Variants in UBAP2L observed in about 807,000 individuals in gnomAD.
The protein encoded by UBAP2L is ubiquitin associated protein 2 like, also known as ubiquitin-associated protein 2-like.
UBAP2L carries 12 observed loss-of-function variants against 130.6 expected under a neutral mutation model. The observed-to-expected ratio is 0.09, with a 90% CI of 0.06 to 0.15. The LOEUF (loss-of-function observed/expected upper bound fraction) is 0.15, where lower values mean the gene tolerates loss of function less well. Among genes scored for constraint, UBAP2L ranks in the 10% least tolerant of loss-of-function variants. The probability of loss-of-function intolerance (pLI) is 1.00; values close to 1 mark genes in which losing one functional copy is unlikely to be tolerated. For synonymous variants in UBAP2L, 503 were observed against 524.7 expected, an observed-to-expected ratio of 0.96 and a Z score of 0.57; for missense variants, 965 against 1,332.5, an observed-to-expected ratio of 0.72 and a Z score of 4.29.
intron 1 of UBAP2L, among the ~76,000 whole-genome samples, chr1:154,224,495 CA>C (rs1667335698): frequency 1.3e-5 from 2 of 152,160 alleles, no homozygotes; most frequent in South Asian, 4.1e-4. Context: ...AAAACCCCCA[CA>C]AACACAAAAC....
intron 7 of UBAP2L, 92 bp downstream of exon 7, chr1:154,236,703 T>C: frequency 7.2e-7 from 1 of 1,393,952 alleles, no homozygotes; most frequent in Non-Finnish European, 1.0e-6. Flanking sequence ...ATTTCTAGAC[T>C]GGTCAGAAAG....
intron 6 of UBAP2L, 123 bp from the exon 7 acceptor site, chr1:154,236,443 C>T (rs569720534): frequency 1.4e-5 from 14 of 989,768 alleles, no homozygotes; most frequent in South Asian, 4.1e-5. Flanking sequence ...AACCAATCCG[C>T]CCGCCCTCAG....
At chr1:154,237,423 A>G (rs1257790110) in intron 8 of UBAP2L, among the ~76,000 whole-genome samples, 2 of 152,230 alleles carry the variant, frequency 1.3e-5, no homozygotes, top group Admixed American at 6.5e-5. Context: ...TAAATTTGCT[A>G]GTATTTGAAC....
intron 8 of UBAP2L, 128 bp downstream of exon 8, chr1:154,237,264 C>T: frequency 1.2e-6 from 1 of 809,938 alleles, no homozygotes; most frequent in Non-Finnish European, 2.0e-6. Flanking sequence ...AAAGGGCTGG[C>T]AGTTGTATTA....
intron 20 of UBAP2L, chr1:154,257,846 A>G (rs1426963323): frequency 2.1e-5 from 4 of 192,508 alleles, no homozygotes; most frequent in Non-Finnish European, 4.3e-5. Flanking sequence ...GTGTGCGTAC[A>G]ATGTGTATGT....
intron 4 of UBAP2L, among the ~76,000 whole-genome samples, chr1:154,234,231 C>T (rs570138469): frequency 2.6e-5 from 4 of 152,058 alleles, no homozygotes; most frequent in South Asian, 2.1e-4. Flanking sequence ...GGCATGGTGT[C>T]GCGTGCCTGT....
chr1:154,231,035 T>C (rs1311131589), intron 4 of UBAP2L, among the ~76,000 whole-genome samples: 1 of 152,212 alleles, frequency 6.6e-6, no homozygotes, highest in East Asian at 1.9e-4. Context: ...TCTAACTTAC[T>C]GTGAGCATAA....
At chr1:154,263,300 G>T in intron 24 of UBAP2L, 1 of 1,450,324 alleles carries the variant, frequency 6.9e-7, no homozygotes, top group Non-Finnish European at 9.0e-7. Flanking sequence ...GATACCTTCT[G>T]GGCTTTTGAA....
chr1:154,269,480 T>C, intron 26 of UBAP2L: 1 of 1,251,652 alleles, frequency 8.0e-7, no homozygotes, highest in South Asian at 1.2e-5. Flanking sequence ...CTTCACAGCC[T>C]CAGGGAACTT....
At chr1:154,269,517 G>A (rs1399746790) in intron 26 of UBAP2L, 1 of 974,522 alleles carries the variant, frequency 1.0e-6, no homozygotes. Flanking sequence ...CACAAATCGG[G>A]ATACACAAAC....
chr1:154,269,921 G>T (rs1449480310), intron 26 of UBAP2L, among the ~76,000 whole-genome samples: 1 of 152,182 alleles, frequency 6.6e-6, no homozygotes, highest in African/African-American at 2.4e-5. Flanking sequence ...GGGGTAGTGT[G>T]AGAATGTAGA....
At chr1:154,244,200 C>T (rs1674560136) in intron 10 of UBAP2L, among the ~76,000 whole-genome samples, 1 of 152,176 alleles carries the variant, frequency 6.6e-6, no homozygotes, top group South Asian at 2.1e-4. Flanking sequence ...CTGACGTTAA[C>T]TACCCAGAGT....
In UBAP2L at chr1:154,249,406, G is replaced by T; in HGVS notation, c.1182G>T (p.Ser394=). ...CCACCTCCTCTTGGGACATGGGCTCGACGACACAATCCCCATCACTGGTGC... is the reference window on the plus strand; with the variant it reads ...CCACCTCCTCTTGGGACATGGGCTCTACGACACAATCCCCATCACTGGTGC... ...STTTSSWDMG[S]TTQSPSLVQY... The change falls in exon 12 of 27, where the codon TCG becomes TCT. Residue 394 remains serine, a synonymous_variant. Coordinates refer to ENST00000428931, the MANE Select transcript of UBAP2L (RefSeq NM_014847.4). 6.2e-7 allele frequency: 1 copy of T among 1,614,148 alleles called. No individual in the cohort carries two copies. The highest frequency in any genetic ancestry group is 1.1e-5 in the South Asian group (1 of 91,076).
In UBAP2L at chr1:154,223,462, A is replaced by G. The variant is rs181865002; in HGVS notation, c.-40-1622A>G. Among the ~76,000 whole-genome samples, 317 of 152,194 alleles carry G rather than the reference A, an allele frequency of 2.1e-3. 1 individual carries two copies. Among genetic ancestry groups the G allele is most frequent in the Admixed American group, 3.9e-3 (60 of 15,282 alleles). On this transcript the variant is annotated intron_variant, in intron 1 of 26. Coordinates refer to ENST00000428931, the MANE Select transcript of UBAP2L (RefSeq NM_014847.4). The stretch of plus-strand genomic sequence containing the variant: ...AATAGTTTTCCTCTCGTCTTTATAT[A>G]TATACGTATATATGTGTATATGTAG...
chr1:154,235,590 A>C (rs531113657), intron 6 of UBAP2L, among the ~76,000 whole-genome samples: 1 of 151,760 alleles, frequency 6.6e-6, no homozygotes, highest in South Asian at 2.1e-4. Context: ...GCTCACTGCA[A>C]CCTCTGCCTC....
intron 2 of UBAP2L, among the ~76,000 whole-genome samples, chr1:154,226,101 G>A (rs1258703738): frequency 2.6e-5 from 4 of 152,182 alleles, no homozygotes; most frequent in African/African-American, 4.8e-5. Context: ...GGCATGAGCC[G>A]CTGTGCCCTG....
intron 24 of UBAP2L, among the ~76,000 whole-genome samples, chr1:154,264,760 T>A (rs927715949): frequency 6.6e-6 from 1 of 152,138 alleles, no homozygotes; most frequent in Non-Finnish European, 1.5e-5. Flanking sequence ...TTTTTTTATT[T>A]TTTTTTTGCC....
Position 154,255,261 on chromosome 1 carries a change from A to G in UBAP2L, c.2019A>G (p.Ser673=). Reference sequence around the variant, plus strand: ...TACTGACGACAACCAATCAGCATTCATCCTCCTTGGGTGGCTTGAGCCACA... The same window carrying G: ...TACTGACGACAACCAATCAGCATTCGTCCTCCTTGGGTGGCTTGAGCCACA... ...ASLLTTTNQH[S]SSLGGLSHSE... is the part of the protein sequence containing the mutation. Residue 673 remains serine (S), a synonymous_variant, in exon 17 of 27, where the codon TCA becomes TCG. Coordinates refer to ENST00000428931, the MANE Select transcript of UBAP2L (RefSeq NM_014847.4). The G allele has an allele frequency of 6.2e-7, 1 of 1,614,218 alleles. No individual in the cohort carries two copies. The highest frequency in any genetic ancestry group is 1.1e-5 in the South Asian group (1 of 91,086).
chr1:154,240,442 G>A (rs572181984), intron 8 of UBAP2L, among the ~76,000 whole-genome samples: 6 of 152,146 alleles, frequency 3.9e-5, no homozygotes, highest in Non-Finnish European at 7.3e-5. Context: ...CAAGGACAGT[G>A]TATACTCCCG....
Sources: allele counts gnomAD v4.1 joint callset (sites outside exome capture counted in the v4.1 genomes callset), GRCh38; gene constraint gnomAD v4.1.1; transcripts MANE v1.5; gene names NCBI Gene and HGNC (gene_info 2026-07-23, HGNC 2026-07-21).